EDIL3: variants seen among roughly 807,000 people sequenced by gnomAD.
The protein encoded by EDIL3 is EGF-like repeat and discoidin I-like domain-containing protein 3.
In EDIL3, 37 loss-of-function variants were observed where a neutral mutation model predicts 67.4. That is an observed-to-expected ratio of 0.55 (90% CI 0.42 to 0.72). The LOEUF is 0.72. Among genes scored for constraint, EDIL3 ranks in the 30% least tolerant of loss-of-function variants. The pLI, the probability that EDIL3 is intolerant of heterozygous loss-of-function variation, is 0.00. For synonymous variants in EDIL3, 195 were observed against 196.3 expected, an observed-to-expected ratio of 0.99 and a Z score of 0.05; for missense variants, 527 against 586.3, an observed-to-expected ratio of 0.90 and a Z score of 1.04.
At chr5:84,192,914 G>C (rs761156131) in intron 3 of EDIL3, among the ~76,000 whole-genome samples, 3 of 151,932 alleles carry the variant, frequency 2.0e-5, no homozygotes, top group Non-Finnish European at 4.4e-5. Context: ...GCATAGACTA[G>C]AAGCCGGAAA....
chr5:84,041,566 AG>A (rs972371033), intron 9 of EDIL3, among the ~76,000 whole-genome samples: 16 of 146,826 alleles, frequency 1.1e-4, no homozygotes, highest in African/African-American at 3.9e-4. Flanking sequence ...ATACATATAT[AG>A]TATATATATG....
intron 9 of EDIL3, 126 bp from the exon 10 acceptor site, chr5:83,963,486 T>G: frequency 9.0e-7 from 1 of 1,107,162 alleles, no homozygotes; most frequent in South Asian, 2.0e-5. Flanking sequence ...TTATTTGTAT[T>G]TTGAAACCAA....
At chr5:84,313,718 A>G in intron 1 of EDIL3, among the ~76,000 whole-genome samples, 1 of 152,188 alleles carries the variant, frequency 6.6e-6, no homozygotes, top group East Asian at 1.9e-4. Context: ...CCCAGGCCAC[A>G]TCTCCGACCA....
intron 3 of EDIL3, among the ~76,000 whole-genome samples, chr5:84,188,036 T>C (rs1743500687): frequency 1.3e-5 from 2 of 152,024 alleles, no homozygotes; most frequent in African/African-American, 2.4e-5. Context: ...AAAAAAGCAT[T>C]TGGATAGATT....
intron 2 of EDIL3, among the ~76,000 whole-genome samples, chr5:84,247,901 A>G (rs1744942098): frequency 6.6e-6 from 1 of 152,146 alleles, no homozygotes; most frequent in Non-Finnish European, 1.5e-5. Flanking sequence ...CCTACTGTCA[A>G]TAATACACAT....
At chr5:84,236,593 A>C (rs1744687599) in intron 2 of EDIL3, among the ~76,000 whole-genome samples, 1 of 152,120 alleles carries the variant, frequency 6.6e-6, no homozygotes, top group South Asian at 2.1e-4. Flanking sequence ...ACCGAAAGCC[A>C]GTTCTAAACA....
intron 5 of EDIL3, among the ~76,000 whole-genome samples, chr5:84,119,522 T>C (rs1188926454): frequency 6.6e-6 from 1 of 152,084 alleles, no homozygotes; most frequent in Non-Finnish European, 1.5e-5. Flanking sequence ...CCACAGTTTA[T>C]TGCCAGACTC....
At chr5:84,268,739 G>A (rs1580046353) in intron 1 of EDIL3, among the ~76,000 whole-genome samples, 1 of 152,110 alleles carries the variant, frequency 6.6e-6, no homozygotes, top group East Asian at 1.9e-4. Flanking sequence ...TATAATTCAG[G>A]GGCATATATT....
At chr5:83,955,451 T>C (rs1218123941) in intron 10 of EDIL3, among the ~76,000 whole-genome samples, 1 of 151,742 alleles carries the variant, frequency 6.6e-6, no homozygotes, top group Non-Finnish European at 1.5e-5. Context: ...AACTATATTG[T>C]TTCAAACTTT....
At chr5:84,073,985 G>A (rs1429937094) in intron 6 of EDIL3, among the ~76,000 whole-genome samples, 2 of 151,654 alleles carry the variant, frequency 1.3e-5, no homozygotes, top group Admixed American at 1.3e-4. Context: ...GCATGGTACT[G>A]GTACCAAAAC....
chr5:84,075,105 G>A (rs1461941686), intron 6 of EDIL3, among the ~76,000 whole-genome samples: 1 of 151,096 alleles, frequency 6.6e-6, no homozygotes, highest in Non-Finnish European at 1.5e-5. Flanking sequence ...AAGGACAAAA[G>A]ACCAAACACC....
Position 84,023,558 on chromosome 5 carries a change from C to A in EDIL3, c.1137+36742G>T, listed in dbSNP as rs114190474. Reference sequence around the variant, plus strand: ...AGCATATATGTTTCTACTAATTTAACAATTTCAAAACTGAACAAAAGTTTA... The same window carrying A: ...AGCATATATGTTTCTACTAATTTAAAAATTTCAAAACTGAACAAAAGTTTA... On this transcript the variant is annotated intron_variant, in intron 9 of 10. Transcript: ENST00000296591. Among the ~76,000 whole-genome samples the A allele has an allele frequency of 1.6e-3, 248 of 152,146 alleles. 2 individuals carry two copies. Among genetic ancestry groups the A allele is most frequent in the African/African-American group, 5.7e-3 (236 of 41,556 alleles).
chr5:83,989,321 C>T (rs544550478), intron 9 of EDIL3, among the ~76,000 whole-genome samples: 1 of 152,254 alleles, frequency 6.6e-6, no homozygotes, highest in South Asian at 2.1e-4. Flanking sequence ...CCTGCCCCCA[C>T]CCCCATGAGC....
intron 1 of EDIL3, among the ~76,000 whole-genome samples, chr5:84,296,891 A>G (rs1746061312): frequency 6.6e-6 from 1 of 152,200 alleles, no homozygotes; most frequent in Non-Finnish European, 1.5e-5. Context: ...TTAAGAAAAA[A>G]AACCAAACAG....
intron 10 of EDIL3, among the ~76,000 whole-genome samples, chr5:83,948,238 T>TAA (rs951083672): frequency 1.2e-4 from 18 of 151,728 alleles, no homozygotes; most frequent in African/African-American, 4.3e-4. Context: ...ATATATTATA[T>TAA]AAGTATATAA....
At chr5:84,080,433 G>A (rs1402816612) in intron 6 of EDIL3, among the ~76,000 whole-genome samples, 1 of 151,986 alleles carries the variant, frequency 6.6e-6, no homozygotes, top group African/African-American at 2.4e-5. Context: ...CATAATTGCT[G>A]CTCTACACAT....
At chr5:84,270,872 C>T (rs73769787) in intron 1 of EDIL3, among the ~76,000 whole-genome samples, 4,544 of 152,126 alleles carry the variant, frequency 0.03, 212 homozygotes, top group African/African-American at 0.1. Flanking sequence ...ACATAAATAA[C>T]GGTCTAGATT....
chr5:84,234,096 T>C (rs753020138), intron 2 of EDIL3, among the ~76,000 whole-genome samples: 4 of 152,204 alleles, frequency 2.6e-5, no homozygotes, highest in Non-Finnish European at 4.4e-5. Context: ...GTTGTTCCTT[T>C]TAAAAATATT....
At chr5:83,949,617 T>C (rs72774735) in intron 10 of EDIL3, among the ~76,000 whole-genome samples, 38,088 of 151,746 alleles carry the variant, frequency 0.25, 5,257 homozygotes, top group South Asian at 0.39. Flanking sequence ...TTGAAGTAAA[T>C]TGCTGACCAT....
Sources: gnomAD v4.1 joint callset for allele counts (sites outside exome capture counted in the v4.1 genomes callset) on GRCh38, gnomAD v4.1.1 for gene constraint, MANE v1.5 for transcripts, NCBI Gene and HGNC (gene_info 2026-07-23, HGNC 2026-07-21) for gene names.